Variants in MAPKAP1 observed in about 807,000 individuals in gnomAD.
MAPKAP1 encodes MAPK associated protein 1.
In MAPKAP1, 20 loss-of-function variants were observed where a neutral mutation model predicts 65.7. The observed-to-expected ratio is 0.30, with a 90% CI of 0.21 to 0.44. MAPKAP1 has a LOEUF of 0.44. Ranked by LOEUF, MAPKAP1 falls within the 20% of genes least tolerant of loss-of-function variation. MAPKAP1 has a pLI of 1.00. For synonymous variants in MAPKAP1, 222 were observed against 244.3 expected, an observed-to-expected ratio of 0.91 and a Z score of 0.85; for missense variants, 423 against 648.0, an observed-to-expected ratio of 0.65 and a Z score of 3.77.
chr9:125,546,325 C>T (rs183985237), intron 6 of MAPKAP1, among the ~76,000 whole-genome samples: 4 of 152,206 alleles, frequency 2.6e-5, no homozygotes, highest in East Asian at 3.8e-4. Flanking sequence ...GTCAGTCCCA[C>T]GCTCCGCTCC....
chr9:125,599,540 C>T (rs188141603), intron 4 of MAPKAP1, among the ~76,000 whole-genome samples: 1 of 151,692 alleles, frequency 6.6e-6, no homozygotes, highest in African/African-American at 2.4e-5. Context: ...AAGAGTACAA[C>T]ACAGCACAGA....
At chr9:125,676,136 G>C (rs186765796) in intron 1 of MAPKAP1, among the ~76,000 whole-genome samples, 1 of 152,170 alleles carries the variant, frequency 6.6e-6, no homozygotes, top group East Asian at 1.9e-4. Flanking sequence ...TCAGAGAAAT[G>C]GGCACTCTCA....
intron 6 of MAPKAP1, among the ~76,000 whole-genome samples, chr9:125,543,798 T>C (rs1830333600): frequency 6.6e-6 from 1 of 152,114 alleles, no homozygotes; most frequent in Admixed American, 6.5e-5. Flanking sequence ...GGGTTCCTAG[T>C]GTTGGCTTCC....
intron 7 of MAPKAP1, among the ~76,000 whole-genome samples, chr9:125,514,687 T>C (rs1442535237): frequency 6.6e-6 from 1 of 152,228 alleles, no homozygotes; most frequent in Admixed American, 6.5e-5. Context: ...TTCTCTCATA[T>C]GCAACAGGTG....
At chr9:125,701,181 A>G (rs1417720782) in intron 1 of MAPKAP1, among the ~76,000 whole-genome samples, 1 of 152,202 alleles carries the variant, frequency 6.6e-6, no homozygotes, top group Non-Finnish European at 1.5e-5. Flanking sequence ...ATTTTCTACC[A>G]ATTTCTCTGC....
chr9:125,529,431 C>T (rs1829872160), intron 7 of MAPKAP1, among the ~76,000 whole-genome samples: 1 of 151,158 alleles, frequency 6.6e-6, no homozygotes, highest in Non-Finnish European at 1.5e-5. Context: ...ATCTGCATGA[C>T]CCTCAGGGAT....
chr9:125,509,543 A>G (rs1264756057), intron 7 of MAPKAP1, among the ~76,000 whole-genome samples: 2 of 152,218 alleles, frequency 1.3e-5, no homozygotes, highest in African/African-American at 4.8e-5. Flanking sequence ...TGGCATCTCC[A>G]ATGGGTCATT....
At chr9:125,615,536 T>C (rs1032055197) in intron 4 of MAPKAP1, among the ~76,000 whole-genome samples, 8 of 22,190 alleles carry the variant, frequency 3.6e-4, no homozygotes, top group Admixed American at 3.1e-3. Flanking sequence ...CTACTAAAAA[T>C]ACAAAAAAAA....
At chr9:125,680,680 T>C (rs1834795893) in intron 1 of MAPKAP1, among the ~76,000 whole-genome samples, 1 of 152,240 alleles carries the variant, frequency 6.6e-6, no homozygotes, top group Admixed American at 6.5e-5. Context: ...TTATTTTGAA[T>C]GAGATTCATT....
At chr9:125,479,837 CACTT>C (rs1351588168) in intron 9 of MAPKAP1, among the ~76,000 whole-genome samples, 1 of 152,214 alleles carries the variant, frequency 6.6e-6, no homozygotes, top group East Asian at 1.9e-4. Flanking sequence ...AAATGCCACA[CACTT>C]ACTTTCCACT....
Position 125,468,178 on chromosome 9 carries a change from C to G in MAPKAP1, c.1208-69G>C, listed in dbSNP as rs1199032603. ...AAGGTGTAAGTGATTTCAGGGAAATCATTTGACCTGTTTTATAAATCTGAA... is the reference window on the plus strand; with the variant it reads ...AAGGTGTAAGTGATTTCAGGGAAATGATTTGACCTGTTTTATAAATCTGAA... On this transcript the variant is annotated intron_variant, in intron 9 of 11. Coordinates refer to ENST00000265960, the MANE Select transcript of MAPKAP1 (RefSeq NM_001006617.3). 12 of 1,519,888 alleles carry G rather than the reference C, an allele frequency of 7.9e-6. No individual in the cohort carries two copies. In the Admixed American group the frequency reaches 1.5e-4, roughly 19 times the overall value. 94.2% of individuals were successfully genotyped at this position (1,519,888 alleles called of 1,614,324 possible). A position where few individuals can be genotyped will look rare whatever the true frequency, so the allele number is the denominator to read the frequency against.
At chr9:125,603,566 C>G (rs964599117) in intron 4 of MAPKAP1, among the ~76,000 whole-genome samples, 1 of 152,130 alleles carries the variant, frequency 6.6e-6, no homozygotes, top group Non-Finnish European at 1.5e-5. Flanking sequence ...TCAAAGTCTC[C>G]GGGGTTTCTG....
intron 4 of MAPKAP1, among the ~76,000 whole-genome samples, chr9:125,588,716 T>C (rs1183023932): frequency 6.6e-6 from 1 of 152,230 alleles, no homozygotes; most frequent in East Asian, 1.9e-4. Flanking sequence ...ACAAGTTAGA[T>C]CTGTTTTTTA....
Position 125,439,102 on chromosome 9 carries a change from C to T in MAPKAP1, c.1444-90G>A, listed in dbSNP as rs1852387972. ...AGGGGGTGGCAGGGAAGGCCCTGAC[C>T]TGGGCCGGGTGCCTCAGGGCCAGGT... is the stretch of plus-strand genomic sequence containing the variant. On this transcript the variant is annotated intron_variant, in intron 11 of 11. Coordinates refer to ENST00000265960, the MANE Select transcript of MAPKAP1 (RefSeq NM_001006617.3). This position sits in a 1 kb window ranked among gnomAD's most constrained non-coding sequence, Gnocchi z 4.0. 1.3e-6 allele frequency: 2 copies of T among 1,512,190 alleles called. No homozygotes were observed. Among genetic ancestry groups the T allele is most frequent in the African/African-American group, 2.8e-5 (2 of 72,650 alleles). 93.7% of individuals were successfully genotyped at this position (1,512,190 alleles called of 1,614,324 possible). A position where few individuals can be genotyped will look rare whatever the true frequency, so the allele number is the denominator to read the frequency against.
At chr9:125,629,256 A>T (rs1412699708) in intron 4 of MAPKAP1, among the ~76,000 whole-genome samples, 1 of 152,242 alleles carries the variant, frequency 6.6e-6, no homozygotes, top group East Asian at 1.9e-4. Flanking sequence ...TATACACGCA[A>T]AAGAACTGAA....
At chr9:125,441,935 C>A in intron 11 of MAPKAP1, among the ~76,000 whole-genome samples, 1 of 151,940 alleles carries the variant, frequency 6.6e-6, no homozygotes, top group East Asian at 1.9e-4. Context: ...CGAGACCAGC[C>A]TGGCCAATGG....
At chr9:125,572,210 C>T (rs1167848645) in intron 5 of MAPKAP1, among the ~76,000 whole-genome samples, 1 of 152,174 alleles carries the variant, frequency 6.6e-6, no homozygotes, top group Non-Finnish European at 1.5e-5. Context: ...ATGTCACTTT[C>T]TAACAGGTCC....
chr9:125,565,618 G>A, intron 5 of MAPKAP1: 1 of 377,890 alleles, frequency 2.6e-6, no homozygotes, highest in South Asian at 2.1e-5. Flanking sequence ...TGATATCTCT[G>A]AAATCAGAGA....
At chr9:125,679,935 C>T (rs542318188) in intron 1 of MAPKAP1, among the ~76,000 whole-genome samples, 1 of 152,288 alleles carries the variant, frequency 6.6e-6, no homozygotes, top group African/African-American at 2.4e-5. Context: ...ATTACTGCTG[C>T]CCCATCAATG....
Sources: gnomAD v4.1 joint callset for allele counts (sites outside exome capture counted in the v4.1 genomes callset) on GRCh38, gnomAD v4.1.1 for gene constraint, Gnocchi (gnomAD v3.1) non-coding constraint, MANE v1.5 for transcripts, NCBI Gene and HGNC (gene_info 2026-07-23, HGNC 2026-07-21) for gene names.